The following MLLT1 variants were observed in gnomAD, a reference collection of about 807,000 sequenced individuals.
MLLT1 encodes protein ENL.
In MLLT1, 11 loss-of-function variants were observed where a neutral mutation model predicts 55.1. The observed-to-expected ratio is 0.20, with a 90% CI of 0.13 to 0.33. The LOEUF (loss-of-function observed/expected upper bound fraction) is 0.33, where lower values mean the gene tolerates loss of function less well. MLLT1 is among the 10% of genes least tolerant of loss of function. The pLI, the probability that MLLT1 is intolerant of heterozygous loss-of-function variation, is 1.00. For synonymous variants in MLLT1, 323 were observed against 320.1 expected, an observed-to-expected ratio of 1.01 and a Z score of -0.10; for missense variants, 536 against 760.6, an observed-to-expected ratio of 0.70 and a Z score of 3.47.
rs757673478 is a variant in MLLT1, at chr19:6,235,894, C to T, written c.277-5181G>A. Among the ~76,000 whole-genome samples, 5 of 152,146 alleles carry T rather than the reference C, an allele frequency of 3.3e-5. No homozygotes were observed. The highest frequency in any genetic ancestry group is 1.2e-4 in the African/African-American group (5 of 41,434). ...TCCTGACCCCCACCCGCCCTTATCC[C>T]GGCCTGCTGCTGTCCCCAGGCACAG... On this transcript the variant is annotated intron_variant, in intron 3 of 11. Transcript: ENST00000252674. This position sits in a 1 kb window ranked among gnomAD's most constrained non-coding sequence, Gnocchi z 5.5.
rs2090874234 is a variant in MLLT1, at chr19:6,219,383, C to G, written c.1111-1342G>C. On this transcript the variant is annotated intron_variant, in intron 6 of 11. Transcript: ENST00000252674. The surrounding 1 kb of genome is among the most constrained non-coding windows in gnomAD (Gnocchi z 4.5). ...ACTCAGGCTACCTGAGTCCCGGACA[C>G]ATACCCCAGAGCGTCCAGGACCCCT... Among the ~76,000 whole-genome samples, 1 of 152,230 alleles carries G rather than the reference C, an allele frequency of 6.6e-6. No homozygotes were observed. The highest frequency in any genetic ancestry group is 2.4e-5 in the African/African-American group (1 of 41,460).
In MLLT1 at chr19:6,226,953, G is replaced by A. The variant is rs200979731; in HGVS notation, c.546+24C>T. 303 of 1,566,668 alleles carry A rather than the reference G, an allele frequency of 1.9e-4. 2 individuals are homozygous for A. The East Asian group carries it at 5.1e-3, about 26-fold the overall frequency. ...CAGCTGGGCCCCGGCGCTCCCACGC[G>A]ACTGGGCCTTCCGCCTCACTAACCT... On this transcript the variant is annotated intron_variant, in intron 5 of 11. Coordinates refer to ENST00000252674, the MANE Select transcript of MLLT1 (RefSeq NM_005934.4). This position sits in a 1 kb window ranked among gnomAD's most constrained non-coding sequence, Gnocchi z 6.3.
chr19:6,224,387 G>A (rs866689592), intron 5 of MLLT1, among the ~76,000 whole-genome samples: 20 of 152,256 alleles, frequency 1.3e-4, no homozygotes, highest in African/African-American at 4.1e-4. Flanking sequence ...GCTGGGGTGT[G>A]GAATGGGGCT....
At chr19:6,254,947 A>G (rs192553654) in intron 3 of MLLT1, among the ~76,000 whole-genome samples, 78 of 150,370 alleles carry the variant, frequency 5.2e-4, no homozygotes, top group Middle Eastern at 3.4e-3. Flanking sequence ...GAAAATCCCA[A>G]AGAAGCCACA....
rs1321458739 is a variant in MLLT1, at chr19:6,218,007, C to G, written c.1145G>C (p.Ser382Thr). The part of the protein sequence containing the change: ...AQSSPSNSSS[S>T]SDSSSDSDFE... ...GTCTGAGTCTGAGCTGGAGTCTGAG[C>G]TGGAGCTGGAGTTGGACGGGCTTGA... Residue 382 changes from serine (S) to threonine (T), a missense_variant, in exon 7 of 12, where the codon AGC (serine) becomes ACC (threonine). Ser to Thr is a moderately conservative substitution (Grantham distance 58, BLOSUM62 1). This residue lies in a region of MLLT1 where 449 missense variants were observed against 489.0 expected (regional missense o/e 0.92). Transcript: ENST00000252674. The G allele has an allele frequency of 1.1e-5, 17 of 1,609,112 alleles. No homozygotes were observed. The highest frequency in any genetic ancestry group is 1.4e-5 in the Non-Finnish European group (17 of 1,177,664).
At chr19:6,251,001 G>A (rs947869280) in intron 3 of MLLT1, among the ~76,000 whole-genome samples, 1 of 152,076 alleles carries the variant, frequency 6.6e-6, no homozygotes, top group African/African-American at 2.4e-5. Context: ...CAAACGTCAC[G>A]TACTATATGA....
intron 2 of MLLT1, among the ~76,000 whole-genome samples, chr19:6,269,630 TGGGTCCC>T (rs1022086733): frequency 6.6e-6 from 1 of 152,112 alleles, no homozygotes; most frequent in Non-Finnish European, 1.5e-5. Context: ...GCCAGGGTCC[TGGGTCCC>T]GGGTCCCGGG....
At position 6,212,368 on chromosome 19, in the gene MLLT1, C is replaced by A. The variant is rs376938247; in HGVS notation, c.*674G>T. 5.2e-5 allele frequency: 30 copies of A among 577,732 alleles called. No homozygotes were observed. In the South Asian group the frequency reaches 6.4e-4, roughly 12 times the overall value. The allele number at this position is 577,732 out of a possible 1,614,324, so 35.8% of individuals were successfully genotyped here. On this transcript the variant is annotated 3_prime_UTR_variant, in exon 12 of 12. Coordinates refer to ENST00000252674, the MANE Select transcript of MLLT1 (RefSeq NM_005934.4). Reference sequence around the variant, plus strand: ...GCCTGGCTCGGCCTCCAGCCCCACACCACCGCAGAGACATCTTAACCTACA... The same window carrying A: ...GCCTGGCTCGGCCTCCAGCCCCACAACACCGCAGAGACATCTTAACCTACA...
rs2091410272 is a variant in MLLT1, at chr19:6,273,508, T to C, written c.13-2749A>G. Among the ~76,000 whole-genome samples, 1 of 152,154 alleles carries C rather than the reference T, an allele frequency of 6.6e-6. No individual in the cohort carries two copies. The highest frequency in any genetic ancestry group is 2.4e-5 in the African/African-American group (1 of 41,426). On this transcript the variant is annotated intron_variant, in intron 1 of 11. Coordinates refer to ENST00000252674, the MANE Select transcript of MLLT1 (RefSeq NM_005934.4). The surrounding 1 kb of genome is among the most constrained non-coding windows in gnomAD (Gnocchi z 4.3). ...ACGAGGTGAGGGCTGAGCACCGGCA[T>C]GGCAATACTCAGGCCAAGCACGAGT... is the stretch of plus-strand genomic sequence containing the variant.
chr19:6,230,511 C>T lies in MLLT1; in HGVS notation c.420+59G>A, dbSNP rs926513738. ...ACACCTCTGGCTGGGCACAGACGGC[C>T]GCAGCAAAGTAGCCTCGGTGGAGCG... is the stretch of plus-strand genomic sequence containing the variant. On this transcript the variant is annotated intron_variant, in intron 4 of 11. Transcript: ENST00000252674. The surrounding 1 kb of genome is among the most constrained non-coding windows in gnomAD (Gnocchi z 9.0). 3.8e-5 allele frequency: 60 copies of T among 1,595,944 alleles called. No homozygotes were observed. The highest frequency in any genetic ancestry group is 2.6e-4 in the African/African-American group (19 of 74,144).
chr19:6,245,203 TTTTTC>T (rs1362233835), intron 3 of MLLT1, among the ~76,000 whole-genome samples: 5 of 150,574 alleles, frequency 3.3e-5, no homozygotes, highest in African/African-American at 9.9e-5. Context: ...ATCTTTTCTT[TTTTTC>T]CTTTCTTTCT....
At chr19:6,263,872 T>A (rs918827419) in intron 2 of MLLT1, among the ~76,000 whole-genome samples, 2 of 144,272 alleles carry the variant, frequency 1.4e-5, no homozygotes, top group African/African-American at 5.1e-5. Context: ...AGGCTGAAGG[T>A]CCTGGACTGG....
chr19:6,252,119 C>CA (rs895858122), intron 3 of MLLT1, among the ~76,000 whole-genome samples: 7 of 152,194 alleles, frequency 4.6e-5, no homozygotes, highest in Admixed American at 2.6e-4. Context: ...GCAGATGGGA[C>CA]AAAAAACAGA....
intron 5 of MLLT1, among the ~76,000 whole-genome samples, chr19:6,223,682 G>A (rs2144862993): frequency 6.6e-6 from 1 of 152,272 alleles, no homozygotes; most frequent in Non-Finnish European, 1.5e-5. Flanking sequence ...GGCCAGCCTG[G>A]GCGCTGCTGC....
chr19:6,237,472 T>C (rs1195933672), intron 3 of MLLT1, among the ~76,000 whole-genome samples: 1 of 151,950 alleles, frequency 6.6e-6, no homozygotes, highest in African/African-American at 2.4e-5. Flanking sequence ...TAAAAAAACA[T>C]TTTGGCCAGG....
intron 3 of MLLT1, among the ~76,000 whole-genome samples, chr19:6,258,516 A>G (rs997771113): frequency 1.3e-5 from 2 of 152,200 alleles, no homozygotes; most frequent in African/African-American, 4.8e-5. Flanking sequence ...TTACTTTGCA[A>G]TCAGATGAGG....
chr19:6,252,595 C>T (rs778636984), intron 3 of MLLT1, among the ~76,000 whole-genome samples: 9 of 152,046 alleles, frequency 5.9e-5, no homozygotes, highest in Non-Finnish European at 1.0e-4. Context: ...GTGCTCAGAG[C>T]GAAATGTACA....
chr19:6,250,624 CG>C (rs2091204898), intron 3 of MLLT1, among the ~76,000 whole-genome samples: 1 of 152,230 alleles, frequency 6.6e-6, no homozygotes, highest in African/African-American at 2.4e-5. Flanking sequence ...GTGGATTCAA[CG>C]GCCCCTGGCA....
rs761519957 is a variant in MLLT1 at position 6,230,596 on chromosome 19, G to A, written c.394C>T (p.Arg132Trp). ...LTFNNPTTEF[R>W]YKLLRAGGVM... ...CCGCCGGCCCGCAGGAGCTTGTACCGGAACTCCGTGGTGGGGTTGTTGAAG... is the reference window on the plus strand; with the variant it reads ...CCGCCGGCCCGCAGGAGCTTGTACCAGAACTCCGTGGTGGGGTTGTTGAAG... Residue 132 changes from arginine (R) to tryptophan (W), a missense_variant, in exon 4 of 12, where the codon CGG becomes TGG. Arg to Trp is a moderately radical substitution (Grantham distance 101, BLOSUM62 -3). Transcript: ENST00000252674. The surrounding 1 kb of genome is among the most constrained non-coding windows in gnomAD (Gnocchi z 9.0). 1.2e-6 allele frequency: 2 copies of A among 1,613,628 alleles called. No homozygotes were observed. Among genetic ancestry groups the A allele is most frequent in the Non-Finnish European group, 1.7e-6 (2 of 1,179,990 alleles).
Sources: allele counts gnomAD v4.1 joint callset (sites outside exome capture counted in the v4.1 genomes callset), GRCh38; gene constraint gnomAD v4.1.1; regional missense constraint gnomAD v4.1.1; non-coding constraint Gnocchi (gnomAD v3.1); transcripts MANE v1.5; gene names NCBI Gene and HGNC (gene_info 2026-07-23, HGNC 2026-07-21).